GNAS: variants seen among roughly 807,000 people sequenced by gnomAD.
GNAS encodes GNAS complex locus.
GNAS carries 8 observed loss-of-function variants against 54.5 expected under a neutral mutation model. That is an observed-to-expected ratio of 0.15 (90% confidence interval 0.09 to 0.26). GNAS has a LOEUF of 0.26. Ranked by LOEUF, GNAS falls within the 10% of genes least tolerant of loss-of-function variation. The probability of loss-of-function intolerance (pLI) is 1.00; values close to 1 mark genes in which losing one functional copy is unlikely to be tolerated. For missense variants in GNAS, 170 were observed against 529.8 expected (o/e 0.32, Z 6.67); for synonymous variants, 204 against 191.4 (o/e 1.07, Z -0.54).
intron 1 of GNAS, among the ~76,000 whole-genome samples, chr20:58,885,700 G>C (rs1307851836): frequency 6.6e-6 from 1 of 152,110 alleles, no homozygotes; most frequent in East Asian, 1.9e-4. Flanking sequence ...CTTCTTACAA[G>C]GATTAACTGA....
rs2086538863 is a variant in GNAS, at chr20:58,856,854, C to T, written c.43+15968C>T. ...GGTGCCCTCCCCTCTCCAGGATCCC[C>T]CTCCTCACCCCACAGCAAGACCCTC... On this transcript the variant is annotated intron_variant, in intron 1 of 12. Coordinates refer to the GNAS transcript ENST00000306090. The surrounding 1 kb of genome is among the most constrained non-coding windows in gnomAD (Gnocchi z 4.2). 1 of 152,080 alleles carries T rather than the reference C, an allele frequency of 6.6e-6. No individual in the cohort carries two copies. 9.4% of individuals were successfully genotyped at this position (152,080 alleles called of 1,614,324 possible). A position where few individuals can be genotyped will look rare whatever the true frequency, so the allele number is the denominator to read the frequency against.
intron 1 of GNAS, chr20:58,854,994 A>T (rs760823726): frequency 6.2e-7 from 1 of 1,612,612 alleles, no homozygotes. Context: ...CGATGACTCC[A>T]GCGGAGACGA....
At chr20:58,846,694 G>A (rs1029854732) in intron 1 of GNAS, among the ~76,000 whole-genome samples, 5 of 152,204 alleles carry the variant, frequency 3.3e-5, no homozygotes, top group Middle Eastern at 3.2e-3. Flanking sequence ...TCAACCCCAT[G>A]TGAGAGCTGG....
intron 1 of GNAS, among the ~76,000 whole-genome samples, chr20:58,860,475 A>G (rs906517837): frequency 6.6e-6 from 1 of 152,130 alleles, no homozygotes; most frequent in African/African-American, 2.4e-5. Flanking sequence ...TTATAAGTAT[A>G]GCGTTAGAAT....
chr20:58,848,326 G>A (rs540518139), intron 1 of GNAS, among the ~76,000 whole-genome samples: 4 of 152,104 alleles, frequency 2.6e-5, no homozygotes, highest in Non-Finnish European at 1.5e-5. Flanking sequence ...CATGACAGGG[G>A]TCAAGACCCT....
intron 3 of GNAS, among the ~76,000 whole-genome samples, chr20:58,901,753 G>C (rs1025578345): frequency 6.6e-6 from 1 of 152,072 alleles, no homozygotes; most frequent in Non-Finnish European, 1.5e-5. Flanking sequence ...GAATAAATTT[G>C]TAAGTATAAT....
chr20:58,904,547 G>A (rs141425939), intron 5 of GNAS, among the ~76,000 whole-genome samples: 110 of 152,310 alleles, frequency 7.2e-4, no homozygotes, highest in African/African-American at 2.4e-3. Context: ...AGCGGGGAAC[G>A]GGAAACGAGA....
At chr20:58,883,700 C>A (rs1424433849) in intron 1 of GNAS, among the ~76,000 whole-genome samples, 1 of 152,072 alleles carries the variant, frequency 6.6e-6, no homozygotes, top group Non-Finnish European at 1.5e-5. Context: ...GAGGGCATAG[C>A]CCTGAGCTCC....
chr20:58,839,861 C>T, upstream of GNAS: 1 of 596,978 alleles, frequency 1.7e-6, no homozygotes, highest in Non-Finnish European at 3.0e-6. Context: ...AGAACTTTCC[C>T]CTTTTTTCCC....
At chr20:58,890,148 A>AAGG (rs1256269098), upstream of GNAS, among the ~76,000 whole-genome samples, 1 of 151,780 alleles carries the variant, frequency 6.6e-6, no homozygotes, top group African/African-American at 2.4e-5. Context: ...GCAGAGGCGA[A>AAGG]AGGAGGAGAA....
intron 1 of GNAS, chr20:58,854,812 C>T (rs1269712624): frequency 6.3e-7 from 1 of 1,588,182 alleles, no homozygotes; most frequent in Non-Finnish European, 8.5e-7. Flanking sequence ...GCGGCCTCTG[C>T]AGCCCCTGCC....
upstream of GNAS, among the ~76,000 whole-genome samples, chr20:58,890,284 ACGAGGGCGCCGAGGAGGGCGCCGT>A (rs554927958): frequency 2.4e-4 from 36 of 150,994 alleles, 1 homozygote; most frequent in South Asian, 7.3e-3. Flanking sequence ...GCCGACGACG[ACGAGGGCGCCGAGGAGGGCGCCGT>A]CGGGGGCGCC....
chr20:58,899,649 TCACACACA>T (rs371284636), intron 3 of GNAS, among the ~76,000 whole-genome samples: 1 of 133,238 alleles, frequency 7.5e-6, no homozygotes, highest in Admixed American at 8.2e-5. Flanking sequence ...CCCACACCCA[TCACACACA>T]CACACACGCA....
intron 1 of GNAS, among the ~76,000 whole-genome samples, chr20:58,885,223 C>G (rs535675230): frequency 6.6e-6 from 1 of 152,218 alleles, no homozygotes; most frequent in African/African-American, 2.4e-5. Flanking sequence ...CCACAGAGAC[C>G]AGGAAGCCTC....
chr20:58,840,940 A>G lies in GNAS; in HGVS notation c.43+54A>G, dbSNP rs1800905. The G allele has an allele frequency of 0.64, 1,008,579 of 1,583,672 alleles. 324,911 individuals are homozygous for G. Among genetic ancestry groups the G allele is most frequent in the East Asian group, 0.78 (34,365 of 44,116 alleles). ...CCTGAGGGCGGTGTGGGAGCAGCGC[A>G]GGTGGAAAGGAGGTGAGAAGGAAAG... On this transcript the variant is annotated intron_variant, in intron 1 of 12. Transcript: ENST00000306090. The surrounding 1 kb of genome is among the most constrained non-coding windows in gnomAD (Gnocchi z 6.0).
intron 1 of GNAS, among the ~76,000 whole-genome samples, chr20:58,879,513 A>G (rs575747174): frequency 1.3e-5 from 2 of 152,232 alleles, no homozygotes; most frequent in Non-Finnish European, 2.9e-5. Context: ...GTGAAAAAGC[A>G]TCTGGATGTT....
In GNAS at chr20:58,909,674, T is replaced by C. The variant is rs781321343; in HGVS notation, c.719-10T>C. On this transcript the variant is annotated splice_polypyrimidine_tract_variant and intron_variant, in intron 9 of 12. Coordinates refer to ENST00000371085, the MANE Select transcript of GNAS (RefSeq NM_000516.7). This position sits in a 1 kb window ranked among gnomAD's most constrained non-coding sequence, Gnocchi z 7.3. ...TGCTCACGCTCTTGGCTTTGCTCTCTTTGGTTAAGATGTGACTGCCATCAT... is the reference window on the plus strand; with the variant it reads ...TGCTCACGCTCTTGGCTTTGCTCTCCTTGGTTAAGATGTGACTGCCATCAT... The C allele has an allele frequency of 3.1e-6, 5 of 1,614,182 alleles. No individual in the cohort carries two copies. The South Asian group carries it at 4.4e-5, about 14-fold the overall frequency.
chr20:58,880,762 T>A (rs1008153304), intron 1 of GNAS, among the ~76,000 whole-genome samples: 2 of 152,262 alleles, frequency 1.3e-5, no homozygotes, highest in Non-Finnish European at 2.9e-5. Context: ...TATTTTTTTT[T>A]TTCCTCTCAA....
intron 1 of GNAS, among the ~76,000 whole-genome samples, chr20:58,867,902 T>C (rs1339646340): frequency 6.6e-6 from 1 of 152,108 alleles, no homozygotes; most frequent in Admixed American, 6.5e-5. Context: ...GAAAGGAGGC[T>C]TGAGATTGAG....
Sources: gnomAD v4.1 joint callset for allele counts (sites outside exome capture counted in the v4.1 genomes callset) on GRCh38, gnomAD v4.1.1 for gene constraint, Gnocchi (gnomAD v3.1) non-coding constraint, MANE v1.5 for transcripts, NCBI Gene and HGNC (gene_info 2026-07-23, HGNC 2026-07-21) for gene names.